Variants in KLHL1 observed in about 807,000 individuals in gnomAD.
The protein encoded by KLHL1 is kelch like family member 1.
In KLHL1, 47 loss-of-function variants were observed where a neutral mutation model predicts 77.7. The observed-to-expected ratio is 0.60, with a 90% CI of 0.48 to 0.77. KLHL1 has a LOEUF of 0.77. KLHL1 is among the 30% of genes least tolerant of loss of function. The pLI is 0.00. For missense variants in KLHL1, 925 were observed against 910.8 expected, an observed-to-expected ratio of 1.02 and a Z score of -0.20; for synonymous variants, 360 against 325.2, an observed-to-expected ratio of 1.11 and a Z score of -1.15.
At chr13:70,008,786 CAATTT>C (rs374554720) in intron 1 of KLHL1, among the ~76,000 whole-genome samples, 54 of 152,020 alleles carry the variant, frequency 3.6e-4, no homozygotes, top group African/African-American at 1.3e-3. Flanking sequence ...ACAAAGATAG[CAATTT>C]AATTATTCAC....
At position 69,704,212 on chromosome 13, in the gene KLHL1, T is replaced by C. The variant is rs80165953; in HGVS notation, c.2188-2451A>G. On this transcript the variant is annotated intron_variant, in intron 10 of 10. Transcript: ENST00000377844. ...TTTTTCAAAAAACAAAATGTGATAT[T>C]CCCCTTGTGTTTCTTATGTCAGTGA... Among the ~76,000 whole-genome samples the C allele has an allele frequency of 9.2e-3, 1,396 of 151,760 alleles. 25 individuals carry two copies. Among genetic ancestry groups the C allele is most frequent in the African/African-American group, 0.031 (1,305 of 41,490 alleles).
At chr13:69,876,044 A>G (rs1880751332) in intron 5 of KLHL1, among the ~76,000 whole-genome samples, 1 of 152,182 alleles carries the variant, frequency 6.6e-6, no homozygotes, top group Non-Finnish European at 1.5e-5. Flanking sequence ...ACTCATTTGT[A>G]AGAAAATAAG....
Position 70,029,438 on chromosome 13 carries a change from G to A in KLHL1, c.498-53636C>T, listed in dbSNP as rs183172340. Among the ~76,000 whole-genome samples the A allele has an allele frequency of 5.3e-5, 8 of 152,232 alleles. No individual in the cohort carries two copies. In the East Asian group the frequency reaches 1.4e-3, roughly 26 times the overall value. On this transcript the variant is annotated intron_variant, in intron 1 of 10. Coordinates refer to ENST00000377844, the MANE Select transcript of KLHL1 (RefSeq NM_020866.3). ...GTTAGCTTCAGCCAGAAAAGAGTGG[G>A]GGCCAATATTCAACATTCTTAAAGA...
rs573375808 is a variant in KLHL1 at position 69,774,718 on chromosome 13, A to G, written c.1639+22020T>C. On this transcript the variant is annotated intron_variant, in intron 7 of 10. Transcript: ENST00000377844. ...GAAATAGCCTATAGTATTCTGTTCA[A>G]TTGTAATAAAATAATGCAATAATAT... Among the ~76,000 whole-genome samples, 7 of 152,216 alleles carry G rather than the reference A, an allele frequency of 4.6e-5. No individual in the cohort carries two copies. The South Asian group carries it at 1.2e-3, about 27-fold the overall frequency.
intron 1 of KLHL1, among the ~76,000 whole-genome samples, chr13:70,000,539 T>C (rs2137324739): frequency 6.6e-6 from 1 of 152,090 alleles, no homozygotes; most frequent in Admixed American, 6.6e-5. Context: ...TTTTCACACG[T>C]ATTTGGAATA....
chr13:70,056,890 C>T (rs1337297523), intron 1 of KLHL1, among the ~76,000 whole-genome samples: 1 of 151,956 alleles, frequency 6.6e-6, no homozygotes, highest in Admixed American at 6.6e-5. Context: ...AACAACTTAT[C>T]GGTTCATTTT....
intron 2 of KLHL1, among the ~76,000 whole-genome samples, chr13:69,969,413 T>C (rs1400163520): frequency 6.6e-6 from 1 of 152,052 alleles, no homozygotes; most frequent in East Asian, 1.9e-4. Context: ...TACATACCAA[T>C]TAGATAAATT....
At chr13:70,037,896 T>C (rs1025285224) in intron 1 of KLHL1, among the ~76,000 whole-genome samples, 2 of 152,186 alleles carry the variant, frequency 1.3e-5, no homozygotes, top group African/African-American at 2.4e-5. Flanking sequence ...TATGTATAAT[T>C]CCCTTTTACC....
At chr13:70,022,442 C>G (rs1199447267) in intron 1 of KLHL1, among the ~76,000 whole-genome samples, 1 of 151,494 alleles carries the variant, frequency 6.6e-6, no homozygotes, top group African/African-American at 2.4e-5. Context: ...CAAAACACAT[C>G]AAAATATTCT....
At chr13:69,880,832 T>C (rs1012402174) in intron 5 of KLHL1, among the ~76,000 whole-genome samples, 2 of 152,256 alleles carry the variant, frequency 1.3e-5, no homozygotes, top group Admixed American at 6.5e-5. Context: ...ACTCCCCACA[T>C]TTCAACCAAC....
intron 1 of KLHL1, among the ~76,000 whole-genome samples, chr13:70,026,996 C>A: frequency 6.6e-6 from 1 of 151,986 alleles, no homozygotes; most frequent in East Asian, 1.9e-4. Context: ...TAGTTATTGA[C>A]TTTATGCCCT....
chr13:69,870,276 G>A (rs564019536), intron 5 of KLHL1, among the ~76,000 whole-genome samples: 1 of 152,190 alleles, frequency 6.6e-6, no homozygotes, highest in Non-Finnish European at 1.5e-5. Context: ...AGCTGGGAGA[G>A]GTACCAGGCT....
At chr13:69,735,530 TTTAA>T (rs1366746169) in intron 8 of KLHL1, among the ~76,000 whole-genome samples, 2 of 149,408 alleles carry the variant, frequency 1.3e-5, no homozygotes, top group Non-Finnish European at 3.0e-5. Flanking sequence ...TCTTTTATAA[TTTAA>T]TTATGTAATT....
intron 1 of KLHL1, among the ~76,000 whole-genome samples, chr13:70,043,203 C>T (rs1315331541): frequency 6.6e-6 from 1 of 150,890 alleles, no homozygotes; most frequent in Non-Finnish European, 1.5e-5. Context: ...TGCAACCAGC[C>T]ATGTGTCTTA....
chr13:69,906,712 T>G lies in KLHL1; in HGVS notation c.1015-24217A>C, dbSNP rs1462320038. Among the ~76,000 whole-genome samples, 4 of 151,904 alleles carry G rather than the reference T, an allele frequency of 2.6e-5. No individual in the cohort carries two copies. The East Asian group carries it at 5.8e-4, about 22-fold the overall frequency. ...GCATGCTAACAAAAGAGACAAAAAT[T>G]TATATTCTGACTTTTCTACATGATC... On this transcript the variant is annotated intron_variant, in intron 4 of 10. Coordinates refer to ENST00000377844, the MANE Select transcript of KLHL1 (RefSeq NM_020866.3).
At position 69,816,315 on chromosome 13, in the gene KLHL1, C is replaced by T. The variant is rs867890886; in HGVS notation, c.1415-19353G>A. On this transcript the variant is annotated intron_variant, in intron 6 of 10. Transcript: ENST00000377844. ...TCCCTCTGTCACCCAGGCTGGAGTGCAGTAGCACAATCTCGGCTCACTGAA... is the reference window on the plus strand; with the variant it reads ...TCCCTCTGTCACCCAGGCTGGAGTGTAGTAGCACAATCTCGGCTCACTGAA... Among the ~76,000 whole-genome samples, 4 of 149,320 alleles carry T rather than the reference C, an allele frequency of 2.7e-5. No individual in the cohort carries two copies. The Admixed American group carries it at 2.7e-4, about 10-fold the overall frequency.
chr13:69,744,246 G>A (rs1386059286), intron 7 of KLHL1, among the ~76,000 whole-genome samples: 1 of 152,090 alleles, frequency 6.6e-6, no homozygotes, highest in Non-Finnish European at 1.5e-5. Flanking sequence ...AGAAAAATCA[G>A]AAGCTTTTGG....
chr13:69,869,552 T>A (rs1880500021), intron 5 of KLHL1, among the ~76,000 whole-genome samples: 1 of 152,144 alleles, frequency 6.6e-6, no homozygotes, highest in Non-Finnish European at 1.5e-5. Context: ...AACTTTTATT[T>A]TGGGTGACCT....
intron 5 of KLHL1, among the ~76,000 whole-genome samples, chr13:69,875,804 T>A (rs890098652): frequency 1.3e-5 from 2 of 152,106 alleles, no homozygotes; most frequent in Non-Finnish European, 2.9e-5. Context: ...GTATTTCTGT[T>A]TTAAAGGCAT....
Sources: gnomAD v4.1 joint callset for allele counts (sites outside exome capture counted in the v4.1 genomes callset) on GRCh38, gnomAD v4.1.1 for gene constraint, MANE v1.5 for transcripts, NCBI Gene and HGNC (gene_info 2026-07-23, HGNC 2026-07-21) for gene names.